The following NOX4 variants were observed in gnomAD, a reference collection of about 807,000 sequenced individuals.
NOX4 encodes the protein NADPH oxidase 4, also known as kidney oxidase-1.
Under a neutral mutation model 87.6 loss-of-function variants are expected in NOX4, and 69 were observed. The observed-to-expected ratio is 0.79, with a 90% CI of 0.65 to 0.96. The LOEUF (loss-of-function observed/expected upper bound fraction) is 0.96, where lower values mean the gene tolerates loss of function less well. Among genes scored for constraint, NOX4 ranks in the 40% least tolerant of loss-of-function variants. The pLI is 0.00. For missense variants in NOX4, 680 were observed against 681.5 expected (o/e 1.00, Z 0.02); for synonymous variants, 275 against 238.2 (o/e 1.15, Z -1.42).
chr11:89,444,840 G>C (rs1001273004), intron 4 of NOX4, among the ~76,000 whole-genome samples: 4 of 151,978 alleles, frequency 2.6e-5, no homozygotes, highest in Non-Finnish European at 5.9e-5. Context: ...AATAAACAAA[G>C]GGCTCGACTG....
At chr11:89,565,778 A>G in the NOX4 span, among the ~76,000 whole-genome samples, 79 of 151,818 alleles carry the variant, frequency 5.2e-4, 2 homozygotes, top group East Asian at 0.015. Context: ...ATACTGTACC[A>G]TAAATGATTA....
intron 11 of NOX4, among the ~76,000 whole-genome samples, chr11:89,377,212 T>A (rs1004274372): frequency 6.6e-6 from 1 of 152,234 alleles, no homozygotes; most frequent in African/African-American, 2.4e-5. Flanking sequence ...AATCATTTCA[T>A]ACACATCTAT....
chr11:89,476,314 T>C (rs550980839), intron 2 of NOX4, among the ~76,000 whole-genome samples: 13 of 152,236 alleles, frequency 8.5e-5, no homozygotes, highest in Admixed American at 6.5e-4. Context: ...ATATGTAGCT[T>C]TTTTTGGTTA....
chr11:89,453,125 C>A (rs1945042039), intron 2 of NOX4, among the ~76,000 whole-genome samples: 1 of 152,126 alleles, frequency 6.6e-6, no homozygotes, highest in Admixed American at 6.6e-5. Flanking sequence ...TATAGTCACC[C>A]TGTTGTGCAA....
the NOX4 span, among the ~76,000 whole-genome samples, chr11:89,520,001 C>T: frequency 2.8e-4 from 43 of 151,982 alleles, no homozygotes; most frequent in African/African-American, 1.0e-3. Context: ...TTTCTATGTT[C>T]ATTACTTGGA....
the NOX4 span, among the ~76,000 whole-genome samples, chr11:89,505,276 A>C: frequency 2.0e-5 from 3 of 151,924 alleles, no homozygotes; most frequent in African/African-American, 7.2e-5. Flanking sequence ...TTTGGTCTGC[A>C]GTGGGGAAAG....
At chr11:89,393,265 TATGTCA>T (rs1941248469) in intron 11 of NOX4, among the ~76,000 whole-genome samples, 1 of 152,132 alleles carries the variant, frequency 6.6e-6, no homozygotes, top group Non-Finnish European at 1.5e-5. Context: ...TCTGATCCAA[TATGTCA>T]ATACTGCCAT....
chr11:89,499,818 G>T (rs992498871), upstream of NOX4, among the ~76,000 whole-genome samples: 6 of 152,006 alleles, frequency 3.9e-5, no homozygotes, highest in Non-Finnish European at 7.4e-5. Context: ...CACAATGCCT[G>T]GTTCATTATT....
chr11:89,402,218 A>C (rs1941898839), intron 9 of NOX4, 108 bp downstream of exon 9: 21 of 808,094 alleles, frequency 2.6e-5, no homozygotes, highest in South Asian at 4.8e-5. Context: ...ACATCCTGAA[A>C]TATCCTATTA....
In NOX4 at chr11:89,490,559, C is replaced by G. The variant is rs749670969; in HGVS notation, c.58-6G>C. The G allele has an allele frequency of 3.7e-6, 6 of 1,608,810 alleles. No individual in the cohort carries two copies. Among genetic ancestry groups the G allele is most frequent in the Non-Finnish European group, 5.1e-6 (6 of 1,175,458 alleles). ...TTCATGGAGAGCCAGATGAACTAAA[C>G]CAATCAGACATGAGAGACAGAAAAC... On this transcript the variant is annotated splice_polypyrimidine_tract_variant and splice_region_variant and intron_variant, in intron 1 of 17. Transcript: ENST00000263317.
intron 12 of NOX4, among the ~76,000 whole-genome samples, chr11:89,355,800 T>G (rs1484157894): frequency 1.3e-5 from 2 of 152,090 alleles, no homozygotes. Context: ...ATTTCCATTC[T>G]CAGGGACACA....
chr11:89,518,627 C>T, the NOX4 span, among the ~76,000 whole-genome samples: 1 of 151,988 alleles, frequency 6.6e-6, no homozygotes, highest in Non-Finnish European at 1.5e-5. Flanking sequence ...CACAGCACGT[C>T]CTCCTCCCTT....
intron 5 of NOX4, among the ~76,000 whole-genome samples, chr11:89,441,947 C>CTATATA (rs5793404): frequency 3.4e-3 from 476 of 137,976 alleles, no homozygotes; most frequent in African/African-American, 0.011. Context: ...TATGTGTTGA[C>CTATATA]TATATATATA....
intron 2 of NOX4, among the ~76,000 whole-genome samples, chr11:89,452,936 C>T (rs1945033906): frequency 6.6e-6 from 1 of 152,016 alleles, no homozygotes; most frequent in Non-Finnish European, 1.5e-5. Context: ...TCCAGTTACT[C>T]TGAAGACTGG....
At chr11:89,354,085 G>C (rs1246173777) in intron 13 of NOX4, among the ~76,000 whole-genome samples, 1 of 152,156 alleles carries the variant, frequency 6.6e-6, no homozygotes, top group East Asian at 1.9e-4. Flanking sequence ...GGAAAGCAAA[G>C]TTTATGAATA....
chr11:89,550,832 A>C, the NOX4 span, among the ~76,000 whole-genome samples: 2 of 152,110 alleles, frequency 1.3e-5, no homozygotes, highest in Admixed American at 1.3e-4. Flanking sequence ...TTTTGTTGCC[A>C]TTGCTTTTGG....
At chr11:89,418,583 T>C (rs1216106384) in intron 8 of NOX4, among the ~76,000 whole-genome samples, 3 of 151,762 alleles carry the variant, frequency 2.0e-5, no homozygotes, top group African/African-American at 4.8e-5. Flanking sequence ...ATCTGAAATA[T>C]CACAACGTGA....
At chr11:89,476,442 A>G (rs1470742706) in intron 2 of NOX4, among the ~76,000 whole-genome samples, 1 of 152,128 alleles carries the variant, frequency 6.6e-6, no homozygotes, top group South Asian at 2.1e-4. Context: ...CTTGCTGAAA[A>G]CTAGTTATTA....
At chr11:89,522,626 T>A in the NOX4 span, among the ~76,000 whole-genome samples, 1 of 152,038 alleles carries the variant, frequency 6.6e-6, no homozygotes, top group Non-Finnish European at 1.5e-5. Flanking sequence ...TGCACATATA[T>A]CCCCTGAATC....
Sources: gnomAD v4.1 joint callset for allele counts (sites outside exome capture counted in the v4.1 genomes callset) on GRCh38, gnomAD v4.1.1 for gene constraint, MANE v1.5 for transcripts, NCBI Gene and HGNC (gene_info 2026-07-23, HGNC 2026-07-21) for gene names.